The following CFAP77 variants were observed in gnomAD, a reference collection of about 807,000 sequenced individuals.
CFAP77 encodes the protein cilia and flagella associated protein 77, also known as cilia- and flagella-associated protein 77.
CFAP77 carries 25 observed loss-of-function variants against 31.1 expected under a neutral mutation model. That is an observed-to-expected ratio of 0.80 (90% confidence interval 0.59 to 1.12). The LOEUF (loss-of-function observed/expected upper bound fraction) is 1.12. CFAP77 is among the 50% of genes most tolerant of loss of function. The pLI, the probability that CFAP77 is intolerant of heterozygous loss-of-function variation, is 0.00. For missense variants in CFAP77, 377 were observed against 397.3 expected, an observed-to-expected ratio of 0.95 and a Z score of 0.44; for synonymous variants, 151 against 159.9, an observed-to-expected ratio of 0.94 and a Z score of 0.42.
chr9:132,416,662 G>A (rs1485182433), intron 1 of CFAP77, among the ~76,000 whole-genome samples: 7 of 123,668 alleles, frequency 5.7e-5, no homozygotes, highest in Admixed American at 8.6e-5. Flanking sequence ...TTTTTGAGAC[G>A]GAGTCTCACT....
At chr9:132,470,639 A>G (rs1402938371) in intron 1 of CFAP77, among the ~76,000 whole-genome samples, 1 of 152,232 alleles carries the variant, frequency 6.6e-6, no homozygotes, top group African/African-American at 2.4e-5. Flanking sequence ...CTGATGTGTG[A>G]TGGACACAGC....
intron 5 of CFAP77, among the ~76,000 whole-genome samples, chr9:132,571,594 ATGGATAGAAGCCC>A (rs2119116396): frequency 6.6e-6 from 1 of 152,326 alleles, no homozygotes; most frequent in Non-Finnish European, 1.5e-5. Context: ...GAATTAACAG[ATGGATAGAAGCCC>A]AGATGCAGGA....
chr9:132,530,041 T>G (rs1200125612), intron 3 of CFAP77, among the ~76,000 whole-genome samples: 4 of 152,020 alleles, frequency 2.6e-5, no homozygotes, highest in African/African-American at 9.7e-5. Flanking sequence ...TGGCTACAGA[T>G]GTTGACTATT....
rs554203459 is a variant in CFAP77, at chr9:132,567,907, G to C, written c.733-4481G>C. Among the ~76,000 whole-genome samples, 137 of 152,256 alleles carry C rather than the reference G, an allele frequency of 9.0e-4. 1 individual carries two copies. Among genetic ancestry groups the C allele is most frequent in the East Asian group, 1.4e-3 (7 of 5,170 alleles). ...TTGTGATTGGATTTAGGGCCCATCT[G>C]AATAATCTAGGATGATTTCATCTCG... is the stretch of plus-strand genomic sequence containing the variant. On this transcript the variant is annotated intron_variant, in intron 5 of 5. Coordinates refer to ENST00000393216, the MANE Select transcript of CFAP77 (RefSeq NM_001282957.2).
intron 3 of CFAP77, among the ~76,000 whole-genome samples, chr9:132,500,381 G>A (rs1851821798): frequency 6.6e-6 from 1 of 152,200 alleles, no homozygotes; most frequent in African/African-American, 2.4e-5. Context: ...CGAGGTTTCA[G>A]TGACGTAATG....
At chr9:132,523,111 A>T (rs1438866907) in intron 3 of CFAP77, among the ~76,000 whole-genome samples, 1 of 145,666 alleles carries the variant, frequency 6.9e-6, no homozygotes, top group Non-Finnish European at 1.5e-5. Context: ...TTTTTGAGAC[A>T]GGGTTTCACT....
At chr9:132,570,599 T>C (rs1829945728) in intron 5 of CFAP77, among the ~76,000 whole-genome samples, 1 of 152,206 alleles carries the variant, frequency 6.6e-6, no homozygotes, top group Admixed American at 6.5e-5. Context: ...GTGGGCATTT[T>C]TTTTTCCCAG....
rs1852169968 is a variant in CFAP77 at position 132,517,602 on chromosome 9, CT to C, written c.524+18003del. ...GTACCTAAAGTCCCTCAGAAGGCTC[CT>C]CCAGCTTCCTCTCTTCCGCCAAGTT... On this transcript the variant is annotated intron_variant, in intron 3 of 5. Coordinates refer to ENST00000393216, the MANE Select transcript of CFAP77 (RefSeq NM_001282957.2). The surrounding 1 kb of genome is among the most constrained non-coding windows in gnomAD (Gnocchi z 4.7). Among the ~76,000 whole-genome samples, 1 of 152,242 alleles carries C rather than the reference CT, an allele frequency of 6.6e-6. No homozygotes were observed. The highest frequency in any genetic ancestry group is 2.1e-4 in the South Asian group (1 of 4,828).
intron 5 of CFAP77, among the ~76,000 whole-genome samples, chr9:132,547,257 C>A (rs1564248543): frequency 4.6e-5 from 7 of 152,182 alleles, no homozygotes; most frequent in Admixed American, 6.5e-5. Flanking sequence ...CAAGTGGTGA[C>A]CCTGCCACAC....
At chr9:132,459,822 AGT>A (rs1022525870) in intron 1 of CFAP77, among the ~76,000 whole-genome samples, 2 of 145,510 alleles carry the variant, frequency 1.4e-5, no homozygotes, top group African/African-American at 5.1e-5. Context: ...TGTGTGTATG[AGT>A]GTGCGTATGT....
intron 3 of CFAP77, among the ~76,000 whole-genome samples, chr9:132,530,136 C>CTTTTTTTTT (rs750962954): frequency 0.022 from 2,006 of 92,746 alleles, no homozygotes; most frequent in Non-Finnish European, 0.026. Flanking sequence ...TCTTTCTTTT[C>CTTTTTTTTT]TTTTTTTTTT....
rs910024561 is a variant in CFAP77, at chr9:132,499,025, C to T, written c.295+231C>T. On this transcript the variant is annotated intron_variant, in intron 2 of 5. Transcript: ENST00000393216. This position sits in a 1 kb window ranked among gnomAD's most constrained non-coding sequence, Gnocchi z 5.4. ...CAGGGAACTAGCATGGGTATCCCCG[C>T]ACCGCCCCCCTTCCCCGCCGCCGGC... Among the ~76,000 whole-genome samples, 2 of 144,574 alleles carry T rather than the reference C, an allele frequency of 1.4e-5. No homozygotes were observed. The highest frequency in any genetic ancestry group is 4.0e-4 in the East Asian group (2 of 4,988). 94.8% of individuals were successfully genotyped at this position (144,574 alleles called of 152,430 possible).
chr9:132,502,262 TA>T (rs368153609), intron 3 of CFAP77, among the ~76,000 whole-genome samples: 1 of 104,488 alleles, frequency 9.6e-6, no homozygotes. Flanking sequence ...TATATATATA[TA>T]TATTTTTTTT....
intron 5 of CFAP77, among the ~76,000 whole-genome samples, chr9:132,555,340 T>C (rs1005302310): frequency 2.0e-4 from 30 of 152,192 alleles, no homozygotes; most frequent in African/African-American, 7.0e-4. Flanking sequence ...TCCACCCCGA[T>C]GGGCCGAGGA....
At chr9:132,413,096 C>T (rs534244413) in intron 1 of CFAP77, among the ~76,000 whole-genome samples, 3 of 152,266 alleles carry the variant, frequency 2.0e-5, no homozygotes, top group African/African-American at 7.2e-5. Context: ...GGCATTTATT[C>T]TACCATATTG....
At chr9:132,530,032 G>T (rs1243030405) in intron 3 of CFAP77, among the ~76,000 whole-genome samples, 6 of 151,698 alleles carry the variant, frequency 4.0e-5, no homozygotes, top group Admixed American at 6.6e-5. Context: ...TTTCTCTAAT[G>T]GCTACAGATG....
At chr9:132,558,752 T>C (rs112152456) in intron 5 of CFAP77, among the ~76,000 whole-genome samples, 4,394 of 143,332 alleles carry the variant, frequency 0.031, 85 homozygotes, top group Middle Eastern at 0.1. Context: ...GTGGCTCACG[T>C]CTGTAATCCC....
intron 1 of CFAP77, among the ~76,000 whole-genome samples, chr9:132,459,575 A>T (rs549892174): frequency 7.0e-6 from 1 of 143,176 alleles, no homozygotes; most frequent in Non-Finnish European, 1.5e-5. Flanking sequence ...GCATGTGTGC[A>T]TGTATGTGTA....
chr9:132,494,624 A>G (rs494081), intron 1 of CFAP77, among the ~76,000 whole-genome samples: 45,928 of 152,038 alleles, frequency 0.3, 9,219 homozygotes, highest in African/African-American at 0.58. Flanking sequence ...GGGTTATCGG[A>G]CAGGCATATA....
Sources: allele counts gnomAD v4.1 joint callset (sites outside exome capture counted in the v4.1 genomes callset), GRCh38; gene constraint gnomAD v4.1.1; non-coding constraint Gnocchi (gnomAD v3.1); transcripts MANE v1.5; gene names NCBI Gene and HGNC (gene_info 2026-07-23, HGNC 2026-07-21).